ARHGAP24: variants seen among roughly 807,000 people sequenced by gnomAD.
The protein encoded by ARHGAP24 is Rho GTPase activating protein 24.
Under a neutral mutation model 76.4 loss-of-function variants are expected in ARHGAP24, and 50 were observed. That is an observed-to-expected ratio of 0.65 (90% confidence interval 0.52 to 0.83). ARHGAP24 has a LOEUF of 0.83. Ranked by LOEUF, ARHGAP24 falls within the 40% of genes least tolerant of loss-of-function variation. ARHGAP24 has a pLI of 0.00. For missense variants in ARHGAP24, 930 were observed against 914.2 expected, an observed-to-expected ratio of 1.02 and a Z score of -0.22; for synonymous variants, 345 against 323.3, an observed-to-expected ratio of 1.07 and a Z score of -0.72.
At chr4:85,544,066 T>C (rs1465876679) in intron 1 of ARHGAP24, among the ~76,000 whole-genome samples, 1 of 152,216 alleles carries the variant, frequency 6.6e-6, no homozygotes, top group Non-Finnish European at 1.5e-5. Flanking sequence ...CTCCTCCCAC[T>C]GCCAGCCTTT....
chr4:85,850,699 A>C (rs186699811), intron 3 of ARHGAP24, among the ~76,000 whole-genome samples: 35 of 152,192 alleles, frequency 2.3e-4, no homozygotes, highest in Admixed American at 5.9e-4. Flanking sequence ...CCTTCATTTC[A>C]TTACATACCC....
intron 3 of ARHGAP24, among the ~76,000 whole-genome samples, chr4:85,731,027 C>CACACACACAG (rs1363838234): frequency 2.5e-5 from 2 of 80,544 alleles, no homozygotes; most frequent in African/African-American, 8.5e-5. Context: ...CACACACACA[C>CACACACACAG]AGAGAGAGAG....
At chr4:85,622,711 C>G (rs190394203) in intron 2 of ARHGAP24, among the ~76,000 whole-genome samples, 14 of 152,202 alleles carry the variant, frequency 9.2e-5, no homozygotes, top group Non-Finnish European at 1.9e-4. Context: ...ACAGTCCCAA[C>G]AACAGTGTAA....
intron 3 of ARHGAP24, among the ~76,000 whole-genome samples, chr4:85,821,322 A>C (rs911792098): frequency 2.6e-5 from 4 of 152,218 alleles, no homozygotes; most frequent in Non-Finnish European, 5.9e-5. Context: ...ATTAAACTTG[A>C]AAAAGTTGTC....
intron 4 of ARHGAP24, among the ~76,000 whole-genome samples, chr4:85,937,034 T>C (rs1736677800): frequency 6.6e-6 from 1 of 152,154 alleles, no homozygotes; most frequent in Admixed American, 6.5e-5. Flanking sequence ...AGGAATGTGG[T>C]TGCAAAGACA....
At chr4:85,959,703 T>G (rs1208257928) in intron 5 of ARHGAP24, among the ~76,000 whole-genome samples, 2 of 152,186 alleles carry the variant, frequency 1.3e-5, no homozygotes, top group Non-Finnish European at 2.9e-5. Flanking sequence ...TTAATTTCCT[T>G]TGGGACTATT....
intron 3 of ARHGAP24, among the ~76,000 whole-genome samples, chr4:85,729,835 TA>T (rs1725328879): frequency 6.6e-6 from 1 of 152,148 alleles, no homozygotes; most frequent in Non-Finnish European, 1.5e-5. Context: ...TCCAACCACT[TA>T]AAAATGTAAA....
chr4:85,899,747 A>G (rs1734392073), intron 3 of ARHGAP24, among the ~76,000 whole-genome samples: 1 of 152,232 alleles, frequency 6.6e-6, no homozygotes, highest in Admixed American at 6.5e-5. Flanking sequence ...ATTATGTAAT[A>G]GCATTTAAAA....
At chr4:85,551,857 G>A (rs1726154148) in intron 1 of ARHGAP24, among the ~76,000 whole-genome samples, 1 of 152,004 alleles carries the variant, frequency 6.6e-6, no homozygotes. Flanking sequence ...TATTTCTGTG[G>A]TGTATTGGTC....
intron 3 of ARHGAP24, among the ~76,000 whole-genome samples, chr4:85,917,475 G>A (rs374517626): frequency 0.014 from 2,150 of 151,932 alleles, 41 homozygotes; most frequent in African/African-American, 0.049. Context: ...CTAGATCCCT[G>A]AGGAATCGCC....
At chr4:85,803,204 T>C (rs1027242427) in intron 3 of ARHGAP24, among the ~76,000 whole-genome samples, 1 of 152,210 alleles carries the variant, frequency 6.6e-6, no homozygotes, top group African/African-American at 2.4e-5. Context: ...AAATATTACA[T>C]TGGGTCTGGC....
At chr4:85,856,167 G>T (rs1731545825) in intron 3 of ARHGAP24, among the ~76,000 whole-genome samples, 1 of 152,036 alleles carries the variant, frequency 6.6e-6, no homozygotes, top group Non-Finnish European at 1.5e-5. Context: ...ATGGGTGCAT[G>T]GTGCTATTTC....
intron 3 of ARHGAP24, among the ~76,000 whole-genome samples, chr4:85,825,743 C>T (rs982612317): frequency 1.3e-5 from 2 of 152,208 alleles, no homozygotes; most frequent in South Asian, 2.1e-4. Flanking sequence ...TTCTAAAAAT[C>T]TCTGGACTCT....
At chr4:85,980,075 C>G (rs1031235602) in intron 8 of ARHGAP24, among the ~76,000 whole-genome samples, 1 of 152,054 alleles carries the variant, frequency 6.6e-6, no homozygotes, top group Non-Finnish European at 1.5e-5. Context: ...ATGCCCCAAA[C>G]CTGGAATCAG....
chr4:85,552,242 A>C (rs184796549), intron 1 of ARHGAP24, among the ~76,000 whole-genome samples: 1 of 152,162 alleles, frequency 6.6e-6, no homozygotes, highest in East Asian at 1.9e-4. Flanking sequence ...CATTACAGTC[A>C]AGGAATTTCA....
intron 3 of ARHGAP24, among the ~76,000 whole-genome samples, chr4:85,821,858 G>A (rs1318520457): frequency 6.6e-6 from 1 of 152,124 alleles, no homozygotes; most frequent in Non-Finnish European, 1.5e-5. Flanking sequence ...TTAAAGAGTA[G>A]GAATAATGCA....
At chr4:85,948,868 G>A (rs1185815609) in intron 5 of ARHGAP24, among the ~76,000 whole-genome samples, 3 of 151,932 alleles carry the variant, frequency 2.0e-5, no homozygotes, top group African/African-American at 4.8e-5. Context: ...TTCCTACATC[G>A]AGACTCTTTG....
At chr4:85,515,585 A>G (rs898939460) in intron 1 of ARHGAP24, among the ~76,000 whole-genome samples, 5 of 152,158 alleles carry the variant, frequency 3.3e-5, no homozygotes, top group African/African-American at 2.4e-5. Context: ...CCATATGTCC[A>G]TAAATCATTC....
At chr4:85,832,246 G>A (rs909659096) in intron 3 of ARHGAP24, among the ~76,000 whole-genome samples, 1 of 152,120 alleles carries the variant, frequency 6.6e-6, no homozygotes, top group African/African-American at 2.4e-5. Flanking sequence ...CAGTGGTGTA[G>A]GGGTTGTCTC....
Sources: gnomAD v4.1 joint callset for allele counts (sites outside exome capture counted in the v4.1 genomes callset) on GRCh38, gnomAD v4.1.1 for gene constraint, MANE v1.5 for transcripts, NCBI Gene and HGNC (gene_info 2026-07-23, HGNC 2026-07-21) for gene names.